DTNB: variants seen among roughly 807,000 people sequenced by gnomAD.
The protein encoded by DTNB is dystrobrevin beta, also known as DTN-B.
A neutral mutation model predicts 90.7 loss-of-function variants in DTNB; 63 were observed. The ratio of observed to expected loss-of-function variants is 0.69; its 90% CI spans 0.57 to 0.86. The LOEUF is 0.86. Among genes scored for constraint, DTNB ranks in the 40% least tolerant of loss-of-function variants. DTNB has a pLI of 0.00. For missense variants in DTNB, 744 were observed against 807.1 expected (o/e 0.92, Z 0.95); for synonymous variants, 277 against 286.7 (o/e 0.97, Z 0.34).
chr2:25,386,146 G>C (rs537202420), intron 18 of DTNB: 5 of 981,992 alleles, frequency 5.1e-6, no homozygotes, highest in Non-Finnish European at 6.0e-6. Flanking sequence ...TCAAACAAGA[G>C]AGGCAGCGTC....
intron 10 of DTNB, among the ~76,000 whole-genome samples, chr2:25,468,242 G>A (rs1205946566): frequency 2.0e-5 from 3 of 152,130 alleles, no homozygotes; most frequent in Non-Finnish European, 2.9e-5. Context: ...AGAAACTAAG[G>A]AAGATAGCTG....
intron 4 of DTNB, among the ~76,000 whole-genome samples, chr2:25,612,067 C>T (rs1156443386): frequency 6.6e-6 from 1 of 152,084 alleles, no homozygotes; most frequent in Non-Finnish European, 1.5e-5. Flanking sequence ...TTTACACACT[C>T]GAGAAGCCTA....
chr2:25,396,869 T>C (rs1180826958), intron 16 of DTNB, among the ~76,000 whole-genome samples: 3 of 152,076 alleles, frequency 2.0e-5, no homozygotes, highest in Non-Finnish European at 2.9e-5. Context: ...ACTTTTCCTA[T>C]TACCACCTTC....
chr2:25,483,609 T>C (rs1044468715), intron 9 of DTNB, among the ~76,000 whole-genome samples: 58 of 152,224 alleles, frequency 3.8e-4, no homozygotes, highest in African/African-American at 1.4e-3. Flanking sequence ...GCAGGTTTTC[T>C]AGACTCAGGT....
intron 12 of DTNB, among the ~76,000 whole-genome samples, chr2:25,443,123 G>C (rs535737017): frequency 2.0e-4 from 30 of 152,320 alleles, no homozygotes; most frequent in Admixed American, 5.2e-4. Context: ...GCAACTGTTA[G>C]GTTGAATGGA....
At chr2:25,655,540 G>A (rs1223596423) in intron 1 of DTNB, among the ~76,000 whole-genome samples, 5 of 152,238 alleles carry the variant, frequency 3.3e-5, no homozygotes, top group Middle Eastern at 6.8e-3. Context: ...GCAAGGAAAC[G>A]TCTGTTGATA....
chr2:25,546,613 T>A (rs146954099), intron 8 of DTNB, among the ~76,000 whole-genome samples: 59 of 152,316 alleles, frequency 3.9e-4, no homozygotes, highest in Middle Eastern at 3.4e-3. Context: ...AAATCCAGTA[T>A]CCAATCTGAT....
In DTNB at chr2:25,419,498, T is replaced by C; in HGVS notation, c.1575+17A>G. On this transcript the variant is annotated intron_variant, in intron 16 of 20. Coordinates refer to ENST00000406818, the MANE Select transcript of DTNB (RefSeq NM_021907.5). The stretch of plus-strand genomic sequence containing the variant: ...AAAGGAGCGAGAGTCCGGCGGGAAA[T>C]TCCGAAGTTCACTTACTGCCTGCTT... The C allele has an allele frequency of 6.4e-7, 1 of 1,558,330 alleles. No homozygotes were observed. The highest frequency in any genetic ancestry group is 1.4e-5 in the African/African-American group (1 of 73,302).
At chr2:25,576,702 G>T in intron 8 of DTNB, 136 bp downstream of exon 8, 2 of 1,108,672 alleles carry the variant, frequency 1.8e-6, no homozygotes, top group Non-Finnish European at 2.4e-6. Flanking sequence ...TTGCAATCCT[G>T]GCATAAATGT....
At chr2:25,503,053 CAAAAAAAAAAAAAAAA>C (rs58871909) in intron 9 of DTNB, among the ~76,000 whole-genome samples, 440 of 15,296 alleles carry the variant, frequency 0.029, 2 homozygotes, top group African/African-American at 0.069. Context: ...GACCCTATCT[CAAAAAAAAAAAAAAAA>C]AAAAAAAAAA....
chr2:25,652,549 C>CCA, intron 2 of DTNB, 45 bp downstream of exon 2: 1 of 1,076,652 alleles, frequency 9.3e-7, no homozygotes, highest in Non-Finnish European at 1.3e-6. Flanking sequence ...AAAAAAAAAA[C>CCA]CACACAAACA....
chr2:25,561,514 C>G (rs570684383), intron 8 of DTNB, among the ~76,000 whole-genome samples: 1 of 152,292 alleles, frequency 6.6e-6, no homozygotes, highest in East Asian at 1.9e-4. Flanking sequence ...GGATGTGGGT[C>G]CCCTCCAAAT....
intron 19 of DTNB, among the ~76,000 whole-genome samples, chr2:25,380,158 G>A (rs1235053607): frequency 6.6e-6 from 1 of 152,116 alleles, no homozygotes; most frequent in Non-Finnish European, 1.5e-5. Context: ...TTTCCTTATC[G>A]AGCAGACTAT....
At chr2:25,436,372 A>G (rs2055769263) in intron 12 of DTNB, among the ~76,000 whole-genome samples, 1 of 152,004 alleles carries the variant, frequency 6.6e-6, no homozygotes, top group African/African-American at 2.4e-5. Context: ...GTAGCCAATG[A>G]ACATGAGTAG....
chr2:25,491,097 G>A (rs1359424546), intron 9 of DTNB, among the ~76,000 whole-genome samples: 1 of 150,070 alleles, frequency 6.7e-6, no homozygotes, highest in East Asian at 1.9e-4. Context: ...TATTATTTTT[G>A]TTATTAAGAA....
chr2:25,463,973 T>G (rs563527948), intron 10 of DTNB, among the ~76,000 whole-genome samples: 13 of 152,338 alleles, frequency 8.5e-5, no homozygotes, highest in African/African-American at 2.6e-4. Context: ...TGGCGCAATC[T>G]CGGCTCACTG....
intron 10 of DTNB, among the ~76,000 whole-genome samples, chr2:25,479,789 T>C (rs2064535300): frequency 6.6e-6 from 1 of 152,244 alleles, no homozygotes; most frequent in Admixed American, 6.5e-5. Context: ...ACTTAAAATT[T>C]TTCCTGCATT....
chr2:25,460,890 G>T (rs891196934), intron 10 of DTNB, among the ~76,000 whole-genome samples: 3 of 143,536 alleles, frequency 2.1e-5, no homozygotes, highest in Non-Finnish European at 4.6e-5. Context: ...CTGAGGCCAA[G>T]AAAGGTTTTT....
rs146920549 is a variant in DTNB, at chr2:25,664,497, T to A, written c.-2+8889A>T. On this transcript the variant is annotated intron_variant, in intron 1 of 20. Transcript: ENST00000406818. Reference sequence around the variant, plus strand: ...AGCAGGTAAATAAGGAGGATCACAGTATCAGCCCCTCCAGGCGGTGGGGTT... The same window carrying A: ...AGCAGGTAAATAAGGAGGATCACAGAATCAGCCCCTCCAGGCGGTGGGGTT... Among the ~76,000 whole-genome samples the A allele has an allele frequency of 3.9e-3, 597 of 152,318 alleles. 11 individuals carry two copies. The highest frequency in any genetic ancestry group is 0.034 in the Middle Eastern group (10 of 294).
Sources: gnomAD v4.1 joint callset for allele counts (sites outside exome capture counted in the v4.1 genomes callset) on GRCh38, gnomAD v4.1.1 for gene constraint, MANE v1.5 for transcripts, NCBI Gene and HGNC (gene_info 2026-07-23, HGNC 2026-07-21) for gene names.